Variants in STK39 observed in about 807,000 individuals in gnomAD.
STK39 encodes the protein STE20/SPS1-related proline-alanine-rich protein kinase.
Under a neutral mutation model 77.8 loss-of-function variants are expected in STK39, and 20 were observed. The ratio of observed to expected loss-of-function variants is 0.26; its 90% CI spans 0.18 to 0.37. The LOEUF (loss-of-function observed/expected upper bound fraction) is 0.37. STK39 is among the 10% of genes least tolerant of loss of function. The pLI is 1.00. For synonymous variants in STK39, 246 were observed against 234.1 expected, an observed-to-expected ratio of 1.05 and a Z score of -0.47; for missense variants, 479 against 656.5, an observed-to-expected ratio of 0.73 and a Z score of 2.95.
intron 16 of STK39, among the ~76,000 whole-genome samples, chr2:168,000,495 C>T (rs909141669): frequency 6.6e-6 from 1 of 152,188 alleles, no homozygotes; most frequent in African/African-American, 2.4e-5. Flanking sequence ...TGTCCTCTAA[C>T]CTGTATTCTA....
At chr2:168,151,005 C>T (rs900924759) in intron 5 of STK39, among the ~76,000 whole-genome samples, 4 of 152,070 alleles carry the variant, frequency 2.6e-5, no homozygotes, top group African/African-American at 9.7e-5. Flanking sequence ...AAATGGTGCT[C>T]AATGGCCTTG....
At chr2:168,030,998 A>T (rs1684820007) in intron 14 of STK39, among the ~76,000 whole-genome samples, 1 of 152,168 alleles carries the variant, frequency 6.6e-6, no homozygotes, top group Non-Finnish European at 1.5e-5. Flanking sequence ...ACAAACCAAA[A>T]ATCCAAAGAT....
intron 1 of STK39, among the ~76,000 whole-genome samples, chr2:168,213,569 C>G (rs1464078298): frequency 6.6e-6 from 1 of 151,760 alleles, no homozygotes; most frequent in African/African-American, 2.4e-5. Context: ...GCCTGTATTC[C>G]CAGCTACTCG....
At chr2:167,985,991 T>C (rs1683547934) in intron 16 of STK39, among the ~76,000 whole-genome samples, 1 of 152,206 alleles carries the variant, frequency 6.6e-6, no homozygotes, top group African/African-American at 2.4e-5. Context: ...ACTTCTATCA[T>C]AGTGTCCACA....
chr2:168,079,205 A>G (rs1292947461), intron 10 of STK39, among the ~76,000 whole-genome samples: 1 of 151,556 alleles, frequency 6.6e-6, no homozygotes, highest in African/African-American at 2.4e-5. Context: ...CTCTCTGACC[A>G]CCACCTCTCT....
At chr2:168,184,504 G>T (rs150104487) in intron 1 of STK39, among the ~76,000 whole-genome samples, 74 of 147,630 alleles carry the variant, frequency 5.0e-4, no homozygotes, top group African/African-American at 1.7e-3. Flanking sequence ...AAGGTGGAAA[G>T]GCACCTTAGA....
At chr2:168,055,695 T>C (rs748946415) in intron 14 of STK39, among the ~76,000 whole-genome samples, 12 of 152,222 alleles carry the variant, frequency 7.9e-5, no homozygotes, top group Non-Finnish European at 1.6e-4. Flanking sequence ...CAGCATCTAA[T>C]ACAAAGGAAT....
intron 1 of STK39, among the ~76,000 whole-genome samples, chr2:168,195,065 G>C (rs1020436829): frequency 5.9e-5 from 9 of 152,054 alleles, no homozygotes; most frequent in Admixed American, 5.9e-4. Context: ...TTGTTAAATT[G>C]ACATTTTCAC....
chr2:168,156,002 A>C (rs1259619011), intron 5 of STK39, among the ~76,000 whole-genome samples: 2 of 152,210 alleles, frequency 1.3e-5, no homozygotes, highest in African/African-American at 4.8e-5. Flanking sequence ...TGCGATGAAC[A>C]ACACAGTTTC....
chr2:168,197,556 T>C (rs569019835), intron 1 of STK39, among the ~76,000 whole-genome samples: 1 of 152,280 alleles, frequency 6.6e-6, no homozygotes, highest in South Asian at 2.1e-4. Context: ...AAGAGATATT[T>C]CAGGGGGAAA....
chr2:168,057,204 CT>C (rs547536304), intron 14 of STK39, among the ~76,000 whole-genome samples: 1 of 152,232 alleles, frequency 6.6e-6, no homozygotes, highest in East Asian at 1.9e-4. Flanking sequence ...TATTTACTTA[CT>C]TTTTTGAGAC....
chr2:168,066,150 G>A (rs1685789072), intron 12 of STK39, among the ~76,000 whole-genome samples: 1 of 152,174 alleles, frequency 6.6e-6, no homozygotes, highest in Admixed American at 6.5e-5. Flanking sequence ...TTTGTGAGAA[G>A]AGCTTTCTAA....
At chr2:168,214,089 A>G (rs1689963019) in intron 1 of STK39, among the ~76,000 whole-genome samples, 1 of 152,160 alleles carries the variant, frequency 6.6e-6, no homozygotes. Context: ...TGGACTCTAG[A>G]GCCAGCCTGC....
intron 16 of STK39, 134 bp from the exon 17 acceptor site, chr2:167,964,860 C>G: frequency 1.4e-6 from 1 of 704,888 alleles, no homozygotes; most frequent in Non-Finnish European, 2.4e-6. Flanking sequence ...ATTGCAAAGT[C>G]CATATAAATG....
chr2:168,178,162 C>T (rs1197136842), intron 2 of STK39, among the ~76,000 whole-genome samples: 1 of 152,170 alleles, frequency 6.6e-6, no homozygotes, highest in Non-Finnish European at 1.5e-5. Flanking sequence ...TCATTTACAC[C>T]ATGATGGGCT....
chr2:168,247,550 G>GCCGCCGCCGCCA lies in STK39; in HGVS notation c.-116_-115insTGGCGGCGGCGG. 1.4e-6 allele frequency: 1 copy of GCCGCCGCCGCCA among 697,486 alleles called. No individual in the cohort carries two copies. Among genetic ancestry groups the GCCGCCGCCGCCA allele is most frequent in the South Asian group, 4.2e-5 (1 of 23,696 alleles). 43.2% of individuals were successfully genotyped at this position (697,486 alleles called of 1,614,324 possible). On this transcript the variant is annotated 5_prime_UTR_variant, in exon 1 of 18. Coordinates refer to ENST00000355999, the MANE Select transcript of STK39 (RefSeq NM_013233.3). ...CCGGCGCACGCCCTCCCCGCCCGCCGCCGCCGCCGCCGTCCCCGCCGAAGC... is the reference window on the plus strand; with the variant it reads ...CCGGCGCACGCCCTCCCCGCCCGCCGCCGCCGCCGCCACCGCCGCCGCCGTCCCCGCCGAAGC...
At chr2:168,070,892 C>A (rs1378298407) in intron 12 of STK39, among the ~76,000 whole-genome samples, 7 of 152,072 alleles carry the variant, frequency 4.6e-5, no homozygotes, top group African/African-American at 1.7e-4. Flanking sequence ...ATAAGTAATG[C>A]AATTCTAAAA....
At chr2:168,129,823 A>G in intron 8 of STK39, 65 bp from the exon 9 acceptor site, 1 of 1,559,214 alleles carries the variant, frequency 6.4e-7, no homozygotes, top group Non-Finnish European at 8.8e-7. Flanking sequence ...TGCCTTGATG[A>G]AACAACTTAA....
intron 2 of STK39, among the ~76,000 whole-genome samples, chr2:168,172,831 G>C (rs1404099646): frequency 1.3e-5 from 2 of 152,138 alleles, no homozygotes; most frequent in Non-Finnish European, 2.9e-5. Flanking sequence ...ACTTACTCAA[G>C]CTCCAAAATT....
Sources: allele counts gnomAD v4.1 joint callset (sites outside exome capture counted in the v4.1 genomes callset), GRCh38; gene constraint gnomAD v4.1.1; transcripts MANE v1.5; gene names NCBI Gene and HGNC (gene_info 2026-07-23, HGNC 2026-07-21).